The following OR5H14 variants were observed in gnomAD, a reference collection of about 807,000 sequenced individuals.
The protein encoded by OR5H14 is olfactory receptor 5H14.
For missense variants in OR5H14, 392 were observed against 363.9 expected (o/e 1.08, Z -0.63); for synonymous variants, 155 against 130.6 (o/e 1.19, Z -1.28).
chr3:98,154,389 A>C lies in OR5H14; in HGVS notation c.*4071A>C, dbSNP rs1708554714. On this transcript the variant is annotated 3_prime_UTR_variant, in exon 2 of 2. Transcript: ENST00000641380. Reference sequence around the variant, plus strand: ...GTTACTAAATTGATAAAGATCAGGGAGTCCTGGATTATATAATCCTGGAAG... The same window carrying C: ...GTTACTAAATTGATAAAGATCAGGGCGTCCTGGATTATATAATCCTGGAAG... The C allele has an allele frequency of 6.6e-6, 1 of 152,224 alleles. No homozygotes were observed. The highest frequency in any genetic ancestry group is 1.5e-5 in the Non-Finnish European group (1 of 68,036). 9.4% of individuals were successfully genotyped at this position (152,224 alleles called of 1,614,324 possible). A position where few individuals can be genotyped will look rare whatever the true frequency, so the allele number is the denominator to read the frequency against.
Position 98,149,552 on chromosome 3 carries a change from A to G in OR5H14, c.167A>G (p.His56Arg), listed in dbSNP as rs1204921058. Residue 56 changes from histidine to arginine, a missense_variant, in exon 2 of 2, where the codon CAT (histidine) becomes CGT (arginine). His to Arg is a conservative substitution (Grantham distance 29). Transcript: ENST00000641380. The stretch of plus-strand genomic sequence containing the variant: ...GTCATCTGGAAAGACCCTCATCTTC[A>G]TATCCCAATGTACTTACTCCTTGGG... ...IAVIWKDPHL[H>R]IPMYLLLGNL... 1 of 1,613,530 alleles carries G rather than the reference A, an allele frequency of 6.2e-7. No individual in the cohort carries two copies.
Position 98,155,400 on chromosome 3 carries a change from G to A in OR5H14, c.*5082G>A, listed in dbSNP as rs1015030880. ...AGATCTCATTAGGTGGTTCCGTACA[G>A]AGAGGGAGCAGTTGGAGTTAAGTCA... On this transcript the variant is annotated 3_prime_UTR_variant, in exon 2 of 2. Coordinates refer to ENST00000641380, the MANE Select transcript of OR5H14 (RefSeq NM_001005514.2). 2 of 152,228 alleles carry A rather than the reference G, an allele frequency of 1.3e-5. No individual in the cohort carries two copies. Among genetic ancestry groups the A allele is most frequent in the African/African-American group, 4.8e-5 (2 of 41,434 alleles). The allele number at this position is 152,228 out of a possible 1,614,324, so 9.4% of individuals were successfully genotyped here.
Position 98,155,005 on chromosome 3 carries a change from C to G in OR5H14, c.*4687C>G, listed in dbSNP as rs76545197. The stretch of plus-strand genomic sequence containing the variant: ...CTAACTGCTCCCACAGATAATATTC[C>G]TATTGTGAAATCTAAGATTGGTGTT... On this transcript the variant is annotated 3_prime_UTR_variant, in exon 2 of 2. Coordinates refer to ENST00000641380, the MANE Select transcript of OR5H14 (RefSeq NM_001005514.2). 25,733 of 147,580 alleles carry G rather than the reference C, an allele frequency of 0.17. No individual in the cohort carries two copies. The highest frequency in any genetic ancestry group is 0.37 in the East Asian group (1,809 of 4,932). 9.1% of individuals were successfully genotyped at this position (147,580 alleles called of 1,614,324 possible).
chr3:98,152,528 TC>T lies in OR5H14; in HGVS notation c.*2211del, dbSNP rs927813136. On this transcript the variant is annotated 3_prime_UTR_variant, in exon 2 of 2. Coordinates refer to ENST00000641380, the MANE Select transcript of OR5H14 (RefSeq NM_001005514.2). The stretch of plus-strand genomic sequence containing the variant: ...CATGGATGAAGCTGGAAACCATTAT[TC>T]TCAGCAAACTAACACAGGAACAGAA... 6.6e-6 allele frequency: 1 copy of T among 152,126 alleles called. No homozygotes were observed. The highest frequency in any genetic ancestry group is 1.5e-5 in the Non-Finnish European group (1 of 68,068). The allele number at this position is 152,126 out of a possible 1,614,324, so 9.4% of individuals were successfully genotyped here.
At position 98,152,989 on chromosome 3, in the gene OR5H14, G is replaced by A. The variant is rs1386955873; in HGVS notation, c.*2671G>A. 2.6e-5 allele frequency: 4 copies of A among 152,060 alleles called. No individual in the cohort carries two copies. Among genetic ancestry groups the A allele is most frequent in the African/African-American group, 7.2e-5 (3 of 41,406 alleles). 9.4% of individuals were successfully genotyped at this position (152,060 alleles called of 1,614,324 possible). A position where few individuals can be genotyped will look rare whatever the true frequency, so the allele number is the denominator to read the frequency against. On this transcript the variant is annotated 3_prime_UTR_variant, in exon 2 of 2. Transcript: ENST00000641380. ...GATACTGACCAACACTCAGGCACAT[G>A]GAGCACTTTCTCACCACCAGAGCTT...
At chr3:98,149,338 T>C in intron 1 of OR5H14, 30 bp from the exon 2 acceptor site, 1 of 1,598,878 alleles carries the variant, frequency 6.3e-7, no homozygotes, top group Non-Finnish European at 8.5e-7. Context: ...ATTGCAGATG[T>C]TCCCTTTCAT....
chr3:98,149,188 T>A, intron 1 of OR5H14, 180 bp from the exon 2 acceptor site: 1 of 704,192 alleles, frequency 1.4e-6, no homozygotes, highest in Non-Finnish European at 2.3e-6. Context: ...TACCAAATTT[T>A]CAAACTAAAA....
Position 98,150,152 on chromosome 3 carries a change from C to T in OR5H14, c.767C>T (p.Ala256Val). The T allele has an allele frequency of 6.2e-7, 1 of 1,611,836 alleles. No homozygotes were observed. Among genetic ancestry groups the T allele is most frequent in the Middle Eastern group, 1.8e-4 (1 of 5,538 alleles). ...GTATCTTTATACTATGGGCCCCTCG[C>T]CTTCATGTATATGGGCTCTGCATCC... ...LSVSLYYGPL[A>V]FMYMGSASPQ... Residue 256 changes from alanine (A) to valine (V), a missense_variant, in exon 2 of 2, where the codon GCC becomes GTC. Physicochemically the swap from Ala to Val is moderately conservative, Grantham distance 64 (BLOSUM62 0). Transcript: ENST00000641380.
In OR5H14 at chr3:98,150,106, T is replaced by G. The variant is rs200499046; in HGVS notation, c.721T>G (p.Cys241Gly). Residue 241 changes from cysteine (C) to glycine (G), a missense_variant, in exon 2 of 2, where the codon TGT becomes GGT. Coordinates refer to ENST00000641380, the MANE Select transcript of OR5H14 (RefSeq NM_001005514.2). The stretch of plus-strand genomic sequence containing the variant: ...AGGTATGAGAAAAGCCTTCTCCACC[T>G]GTGGAGCTCATCTCTTATCTGTATC... ...VKGMRKAFST[C>G]GAHLLSVSLY... is the part of the protein sequence containing the mutation. 259 of 1,610,272 alleles carry G rather than the reference T, an allele frequency of 1.6e-4. 1 individual carries two copies. In the East Asian group the frequency reaches 5.7e-3, roughly 36 times the overall value.
chr3:98,150,166 G>T lies in OR5H14; in HGVS notation c.781G>T (p.Gly261Cys). Reference sequence around the variant, plus strand: ...TGGGCCCCTCGCCTTCATGTATATGGGCTCTGCATCCCCACAGGCTGATGA... The same window carrying T: ...TGGGCCCCTCGCCTTCATGTATATGTGCTCTGCATCCCCACAGGCTGATGA... ...YYGPLAFMYM[G>C]SASPQADDQD... is the part of the protein sequence containing the mutation. The change falls in exon 2 of 2, where the codon GGC becomes TGC. Residue 261 changes from glycine (G) to cysteine (C), a missense_variant. Gly to Cys is a radical substitution (Grantham distance 159). Transcript: ENST00000641380. The T allele has an allele frequency of 1.9e-6, 3 of 1,612,554 alleles. No individual in the cohort carries two copies. The highest frequency in any genetic ancestry group is 2.5e-6 in the Non-Finnish European group (3 of 1,179,538).
rs1708479369 is a variant in OR5H14 at position 98,149,898 on chromosome 3, C to G, written c.513C>G (p.Ser171=). ...GFLFRLTFCN[S]NIIQHFYCDI... ...TATTCAGACTAACCTTCTGTAACTCCAACATAATACAACACTTTTACTGTG... is the reference window on the plus strand; with the variant it reads ...TATTCAGACTAACCTTCTGTAACTCGAACATAATACAACACTTTTACTGTG... The change falls in exon 2 of 2, where the codon TCC becomes TCG. Residue 171 remains serine, a synonymous_variant. Coordinates refer to ENST00000641380, the MANE Select transcript of OR5H14 (RefSeq NM_001005514.2). 6.2e-7 allele frequency: 1 copy of G among 1,613,176 alleles called. No homozygotes were observed. Among genetic ancestry groups the G allele is most frequent in the Non-Finnish European group, 8.5e-7 (1 of 1,179,694 alleles).
rs776718321 is a variant in OR5H14 at position 98,149,742 on chromosome 3, A to G, written c.357A>G (p.Ala119=). 1.2e-6 allele frequency: 2 copies of G among 1,613,208 alleles called. No individual in the cohort carries two copies. The highest frequency in any genetic ancestry group is 3.3e-5 in the Admixed American group (2 of 59,954). Residue 119 remains alanine, a synonymous_variant, in exon 2 of 2, where the codon GCA becomes GCG. Coordinates refer to ENST00000641380, the MANE Select transcript of OR5H14 (RefSeq NM_001005514.2). ...TTECFLLATM[A]YDRYVAICKP... is the part of the protein sequence containing the mutation. ...AATGTTTTCTCTTGGCAACAATGGCATATGATCGCTATGTAGCCATATGCA... is the reference window on the plus strand; with the variant it reads ...AATGTTTTCTCTTGGCAACAATGGCGTATGATCGCTATGTAGCCATATGCA...
In OR5H14 at chr3:98,150,504, A is replaced by G. The variant is rs1285362542; in HGVS notation, c.*186A>G. 2 of 435,264 alleles carry G rather than the reference A, an allele frequency of 4.6e-6. No homozygotes were observed. Among genetic ancestry groups the G allele is most frequent in the Non-Finnish European group, 8.1e-6 (2 of 246,912 alleles). The allele number at this position is 435,264 out of a possible 1,614,324, so 27.0% of individuals were successfully genotyped here. A position where few individuals can be genotyped will look rare whatever the true frequency, so the allele number is the denominator to read the frequency against. On this transcript the variant is annotated 3_prime_UTR_variant, in exon 2 of 2. Coordinates refer to ENST00000641380, the MANE Select transcript of OR5H14 (RefSeq NM_001005514.2). ...CCTATGTTATTCAAAAGGATTTGAGAAATTTTAATCAAGTCTTCATAATAG... is the reference window on the plus strand; with the variant it reads ...CCTATGTTATTCAAAAGGATTTGAGGAATTTTAATCAAGTCTTCATAATAG...
chr3:98,153,361 C>A lies in OR5H14; in HGVS notation c.*3043C>A, dbSNP rs918955534. 4 of 152,204 alleles carry A rather than the reference C, an allele frequency of 2.6e-5. No homozygotes were observed. Among genetic ancestry groups the A allele is most frequent in the African/African-American group, 9.7e-5 (4 of 41,434 alleles). 9.4% of individuals were successfully genotyped at this position (152,204 alleles called of 1,614,324 possible). On this transcript the variant is annotated 3_prime_UTR_variant, in exon 2 of 2. Coordinates refer to ENST00000641380, the MANE Select transcript of OR5H14 (RefSeq NM_001005514.2). ...CTTTGGGAGGCCGAGGATGGCGGAT[C>A]GCTGGAGGTCAGGAGTTCCAGACAA...
chr3:98,149,297 C>T (rs1312690610), intron 1 of OR5H14, 71 bp from the exon 2 acceptor site: 4 of 1,488,710 alleles, frequency 2.7e-6, no homozygotes, highest in Non-Finnish European at 3.6e-6. Flanking sequence ...TTTATATCAA[C>T]ACCTCTTTCC....
intron 1 of OR5H14, among the ~76,000 whole-genome samples, chr3:98,149,041 T>A (rs1708460104): frequency 6.6e-6 from 1 of 152,070 alleles, no homozygotes; most frequent in Admixed American, 6.6e-5. Flanking sequence ...GGCATTTATT[T>A]CATCTGGATA....
At chr3:98,149,279 T>C (rs1708463497) in intron 1 of OR5H14, 89 bp from the exon 2 acceptor site, 2 of 1,354,330 alleles carry the variant, frequency 1.5e-6, no homozygotes, top group East Asian at 4.7e-5. Context: ...TCTCTGATAA[T>C]TGCACACTTT....
At position 98,153,246 on chromosome 3, in the gene OR5H14, A is replaced by C. The variant is rs1035061923; in HGVS notation, c.*2928A>C. 17 of 152,324 alleles carry C rather than the reference A, an allele frequency of 1.1e-4. No individual in the cohort carries two copies. Among genetic ancestry groups the C allele is most frequent in the Admixed American group, 9.8e-4 (15 of 15,290 alleles). 9.4% of individuals were successfully genotyped at this position (152,324 alleles called of 1,614,324 possible). On this transcript the variant is annotated 3_prime_UTR_variant, in exon 2 of 2. Transcript: ENST00000641380. ...GAACTGGGGAGTACTCCATAGTCAA[A>C]GCACCCATGAACAAAATCAACAGAA... is the stretch of plus-strand genomic sequence containing the variant.
rs368323834 is a variant in OR5H14, at chr3:98,150,993, T to G, written c.*675T>G. The G allele has an allele frequency of 1.3e-5, 2 of 152,138 alleles. No homozygotes were observed. The highest frequency in any genetic ancestry group is 4.8e-5 in the African/African-American group (2 of 41,434). 9.4% of individuals were successfully genotyped at this position (152,138 alleles called of 1,614,324 possible). On this transcript the variant is annotated 3_prime_UTR_variant, in exon 2 of 2. Transcript: ENST00000641380. ...GCCTCTAACTTCCTAAGATGGCTTC[T>G]AAGGCACTTTCCAGCTGTGATTGTG...
Sources: gnomAD v4.1 joint callset for allele counts (sites outside exome capture counted in the v4.1 genomes callset) on GRCh38, gnomAD v4.1.1 for gene constraint, MANE v1.5 for transcripts, NCBI Gene and HGNC (gene_info 2026-07-23, HGNC 2026-07-21) for gene names.